Variants in LRFN5 observed in about 807,000 individuals in gnomAD.
The protein encoded by LRFN5 is leucine rich repeat and fibronectin type III domain containing 5.
A neutral mutation model predicts 45.6 loss-of-function variants in LRFN5; 24 were observed. That is an observed-to-expected ratio of 0.53 (90% CI 0.38 to 0.74). LRFN5 has a LOEUF of 0.74. Ranked by LOEUF, LRFN5 falls within the 30% of genes least tolerant of loss-of-function variation. LRFN5 has a pLI of 0.00. For synonymous variants in LRFN5, 340 were observed against 313.8 expected (o/e 1.08, Z -0.88); for missense variants, 776 against 861.5 (o/e 0.90, Z 1.24).
At chr14:41,644,883 G>A (rs946251232) in intron 1 of LRFN5, among the ~76,000 whole-genome samples, 6 of 152,036 alleles carry the variant, frequency 3.9e-5, no homozygotes, top group African/African-American at 1.4e-4. Flanking sequence ...AAAATGAGAT[G>A]GGAATAAATT....
At chr14:41,703,278 G>A (rs1379324684) in intron 1 of LRFN5, among the ~76,000 whole-genome samples, 1 of 152,096 alleles carries the variant, frequency 6.6e-6, no homozygotes. Context: ...TATGTTATAA[G>A]GACACATTTA....
At chr14:41,704,210 G>A (rs1392749122) in intron 1 of LRFN5, among the ~76,000 whole-genome samples, 3 of 152,058 alleles carry the variant, frequency 2.0e-5, no homozygotes, top group African/African-American at 7.2e-5. Context: ...CTAATATGGA[G>A]GCCATCTTTA....
chr14:41,873,300 T>C (rs1890079807), intron 2 of LRFN5, among the ~76,000 whole-genome samples: 1 of 152,110 alleles, frequency 6.6e-6, no homozygotes, highest in South Asian at 2.1e-4. Flanking sequence ...AATTTTTCTT[T>C]AGGGGTAGAA....
rs182502835 is a variant in LRFN5, at chr14:41,824,728, A to G, written c.-21+57699A>G. On this transcript the variant is annotated intron_variant, in intron 2 of 5. Coordinates refer to ENST00000298119, the MANE Select transcript of LRFN5 (RefSeq NM_152447.5). ...CTCAGGCAGTGGGGTGTTCTGTGGAATGCATGCCTGATGCCCTGAGTTTCC... is the reference window on the plus strand; with the variant it reads ...CTCAGGCAGTGGGGTGTTCTGTGGAGTGCATGCCTGATGCCCTGAGTTTCC... Among the ~76,000 whole-genome samples, 339 of 152,232 alleles carry G rather than the reference A, an allele frequency of 2.2e-3. 1 individual carries two copies. The highest frequency in any genetic ancestry group is 7.9e-3 in the African/African-American group (330 of 41,540).
At chr14:41,808,952 T>G (rs567126820) in intron 2 of LRFN5, among the ~76,000 whole-genome samples, 1 of 152,100 alleles carries the variant, frequency 6.6e-6, no homozygotes, top group African/African-American at 2.4e-5. Context: ...TTATTCATTC[T>G]AAAACACAAA....
intron 1 of LRFN5, among the ~76,000 whole-genome samples, chr14:41,758,763 C>G (rs1203414907): frequency 6.6e-6 from 1 of 152,070 alleles, no homozygotes; most frequent in Non-Finnish European, 1.5e-5. Flanking sequence ...AAAATTTGTC[C>G]CATACAGCCT....
chr14:41,789,351 A>T (rs746337995), intron 2 of LRFN5, among the ~76,000 whole-genome samples: 21 of 151,998 alleles, frequency 1.4e-4, no homozygotes, highest in Admixed American at 2.6e-4. Context: ...ATTTTAGTAG[A>T]TTAGATCACA....
intron 2 of LRFN5, among the ~76,000 whole-genome samples, chr14:41,795,208 A>G (rs551510114): frequency 6.6e-6 from 1 of 152,238 alleles, no homozygotes; most frequent in African/African-American, 2.4e-5. Flanking sequence ...TAAGAAATGC[A>G]AATCAAAACC....
chr14:41,652,358 T>C (rs966148424), intron 1 of LRFN5, among the ~76,000 whole-genome samples: 1 of 152,150 alleles, frequency 6.6e-6, no homozygotes, highest in Non-Finnish European at 1.5e-5. Flanking sequence ...ATGCAATCAT[T>C]GTTAAATCAA....
chr14:41,773,931 C>T (rs985926286), intron 2 of LRFN5, among the ~76,000 whole-genome samples: 1 of 152,162 alleles, frequency 6.6e-6, no homozygotes, highest in African/African-American at 2.4e-5. Flanking sequence ...GATACAACAG[C>T]TACAAATGTC....
intron 2 of LRFN5, among the ~76,000 whole-genome samples, chr14:41,801,862 C>T (rs1887347061): frequency 6.6e-6 from 1 of 152,098 alleles, no homozygotes; most frequent in Non-Finnish European, 1.5e-5. Flanking sequence ...TTGCCAGTTC[C>T]TTGACATCCC....
intron 1 of LRFN5, among the ~76,000 whole-genome samples, chr14:41,684,334 G>T (rs1445260574): frequency 6.6e-6 from 1 of 152,138 alleles, no homozygotes; most frequent in Non-Finnish European, 1.5e-5. Context: ...AAAGAAAGAG[G>T]TTTAACTGAC....
In LRFN5 at chr14:41,839,299, A is replaced by G. The variant is rs76667178; in HGVS notation, c.-20-47307A>G. 3.8e-3 allele frequency among the ~76,000 whole-genome samples: 574 copies of G among 150,712 alleles called. 18 individuals carry two copies. In the East Asian group the frequency reaches 0.084, roughly 22 times the overall value. Reference sequence around the variant, plus strand: ...TGGTGTCCTAGTCAAGTTGCTTTTGAATAACCATAAGAGTAGATTTTTTTT... The same window carrying G: ...TGGTGTCCTAGTCAAGTTGCTTTTGGATAACCATAAGAGTAGATTTTTTTT... On this transcript the variant is annotated intron_variant, in intron 2 of 5. Coordinates refer to ENST00000298119, the MANE Select transcript of LRFN5 (RefSeq NM_152447.5).
chr14:41,814,202 T>A (rs770063884), intron 2 of LRFN5, among the ~76,000 whole-genome samples: 11 of 152,178 alleles, frequency 7.2e-5, no homozygotes, highest in Non-Finnish European at 1.5e-4. Context: ...TTGTTGCAAT[T>A]GCTTTTGGTA....
intron 1 of LRFN5, among the ~76,000 whole-genome samples, chr14:41,757,579 G>T (rs1885461151): frequency 6.6e-6 from 1 of 152,210 alleles, no homozygotes; most frequent in South Asian, 2.1e-4. Context: ...TAATCTTCTG[G>T]TGTGCCATTT....
chr14:41,634,456 G>C (rs1435859743), intron 1 of LRFN5, among the ~76,000 whole-genome samples: 1 of 152,144 alleles, frequency 6.6e-6, no homozygotes, highest in East Asian at 1.9e-4. Context: ...GCTTCATACA[G>C]AGAAAGGACA....
chr14:41,885,709 G>A (rs149112657), intron 2 of LRFN5, among the ~76,000 whole-genome samples: 1,873 of 152,070 alleles, frequency 0.012, 12 homozygotes, highest in Non-Finnish European at 0.018. Context: ...TAAGATTTTT[G>A]TATTTTCAGT....
At chr14:41,700,823 T>C (rs541560157) in intron 1 of LRFN5, 2 of 152,222 alleles carry the variant, frequency 1.3e-5, no homozygotes, top group Admixed American at 6.6e-5. Context: ...AGCTATCTCT[T>C]AGATAATGGT....
At chr14:41,804,540 C>G (rs1887452506) in intron 2 of LRFN5, among the ~76,000 whole-genome samples, 1 of 152,154 alleles carries the variant, frequency 6.6e-6, no homozygotes, top group African/African-American at 2.4e-5. Context: ...TCAGCCTCCT[C>G]TCATCCTCCT....
Sources: gnomAD v4.1 joint callset for allele counts (sites outside exome capture counted in the v4.1 genomes callset) on GRCh38, gnomAD v4.1.1 for gene constraint, MANE v1.5 for transcripts, NCBI Gene and HGNC (gene_info 2026-07-23, HGNC 2026-07-21) for gene names.